Variants in MICU3 observed in about 807,000 individuals in gnomAD.
MICU3 encodes calcium uptake protein 3, mitochondrial.
MICU3 carries 62 observed loss-of-function variants against 66.5 expected under a neutral mutation model. That is an observed-to-expected ratio of 0.93 (90% confidence interval 0.76 to 1.15). The LOEUF is 1.15. MICU3 is among the 50% of genes most tolerant of loss of function. MICU3 has a pLI of 0.00. For missense variants in MICU3, 779 were observed against 664.4 expected, an observed-to-expected ratio of 1.17 and a Z score of -1.90; for synonymous variants, 308 against 240.7, an observed-to-expected ratio of 1.28 and a Z score of -2.59.
chr8:17,085,152 G>C, intron 5 of MICU3, 84 bp from the exon 6 acceptor site: 1 of 835,274 alleles, frequency 1.2e-6, no homozygotes, highest in Non-Finnish European at 2.0e-6. Flanking sequence ...TACAGAATAT[G>C]AGTAACTTTA....
chr8:17,052,667 G>C (rs1291695680), intron 1 of MICU3, among the ~76,000 whole-genome samples: 1 of 152,152 alleles, frequency 6.6e-6, no homozygotes, highest in Non-Finnish European at 1.5e-5. Context: ...TTTCCACACA[G>C]ACGCATTTAC....
intron 4 of MICU3, among the ~76,000 whole-genome samples, chr8:17,080,185 A>G (rs572888510): frequency 6.6e-6 from 1 of 152,198 alleles, no homozygotes; most frequent in East Asian, 1.9e-4. Flanking sequence ...TATACCGTTC[A>G]TCTTCAGTAG....
intron 1 of MICU3, among the ~76,000 whole-genome samples, chr8:17,032,382 A>G (rs993845292): frequency 6.6e-6 from 1 of 151,646 alleles, no homozygotes; most frequent in African/African-American, 2.4e-5. Flanking sequence ...TTTTTTTTTC[A>G]TGCCCAGAAT....
chr8:17,047,480 A>T (rs879614407), intron 1 of MICU3, among the ~76,000 whole-genome samples: 1 of 152,224 alleles, frequency 6.6e-6, no homozygotes, highest in Non-Finnish European at 1.5e-5. Context: ...CCCAGGAAGG[A>T]ACAAAGACAT....
intron 9 of MICU3, among the ~76,000 whole-genome samples, chr8:17,099,742 A>G (rs1801093961): frequency 6.6e-6 from 1 of 151,752 alleles, no homozygotes. Flanking sequence ...CAGTGCTTAA[A>G]AATAAGAGCA....
intron 4 of MICU3, among the ~76,000 whole-genome samples, chr8:17,080,967 G>T (rs1821093489): frequency 6.6e-6 from 1 of 152,130 alleles, no homozygotes; most frequent in Non-Finnish European, 1.5e-5. Context: ...TGGAAGGTCA[G>T]TTGAAGCACT....
At chr8:17,114,890 C>A (rs182078756) in intron 12 of MICU3, among the ~76,000 whole-genome samples, 520 of 152,062 alleles carry the variant, frequency 3.4e-3, no homozygotes, top group African/African-American at 0.012. Flanking sequence ...GAGGCTGAGG[C>A]GGGCGGATCA....
At chr8:17,055,906 C>A (rs183655017) in intron 1 of MICU3, among the ~76,000 whole-genome samples, 1 of 152,134 alleles carries the variant, frequency 6.6e-6, no homozygotes, top group Admixed American at 6.5e-5. Flanking sequence ...GGGAGATGAT[C>A]GTTTTTGGAT....
At chr8:17,074,214 T>C (rs850412) in intron 3 of MICU3, among the ~76,000 whole-genome samples, 2,740 of 152,190 alleles carry the variant, frequency 0.018, 24 homozygotes, top group Middle Eastern at 0.027. Flanking sequence ...AGAGGCTGTT[T>C]GGTAATGATG....
At chr8:17,102,836 G>A (rs1031579373) in intron 9 of MICU3, 1 of 151,844 alleles carries the variant, frequency 6.6e-6, no homozygotes, top group African/African-American at 2.4e-5. Flanking sequence ...CAACTTCTCA[G>A]GTATTCCAGC....
intron 1 of MICU3, among the ~76,000 whole-genome samples, chr8:17,034,724 G>T (rs1003502666): frequency 6.6e-6 from 1 of 152,228 alleles, no homozygotes; most frequent in Non-Finnish European, 1.5e-5. Context: ...GGAGCCTAAA[G>T]ATATGACTGA....
chr8:17,111,249 A>G (rs1181072436), intron 11 of MICU3, among the ~76,000 whole-genome samples: 1 of 152,134 alleles, frequency 6.6e-6, no homozygotes, highest in African/African-American at 2.4e-5. Context: ...CTAGAGCCTT[A>G]TCAGATATAT....
Position 17,055,279 on chromosome 8 carries a change from T to C in MICU3, c.382-8805T>C, listed in dbSNP as rs148319758. Among the ~76,000 whole-genome samples, 2 of 152,268 alleles carry C rather than the reference T, an allele frequency of 1.3e-5. 1 individual carries two copies. Among genetic ancestry groups the C allele is most frequent in the Non-Finnish European group, 2.9e-5 (2 of 68,028 alleles). On this transcript the variant is annotated intron_variant, in intron 1 of 14. Coordinates refer to ENST00000318063, the MANE Select transcript of MICU3 (RefSeq NM_181723.3). Reference sequence around the variant, plus strand: ...TTTCCTGAAACAATGATGAAGGTGATTTAGAAGTGTTACCTCCCATGAGGC... The same window carrying C: ...TTTCCTGAAACAATGATGAAGGTGACTTAGAAGTGTTACCTCCCATGAGGC...
chr8:17,049,687 C>G (rs1815728179), intron 1 of MICU3: 3 of 509,420 alleles, frequency 5.9e-6, no homozygotes, highest in Non-Finnish European at 1.2e-5. Flanking sequence ...TGAAAAAACA[C>G]TGGGTTGTGT....
At chr8:17,098,690 TA>T (rs1800987452) in intron 9 of MICU3, 137 bp downstream of exon 9, 2 of 612,204 alleles carry the variant, frequency 3.3e-6, no homozygotes, top group East Asian at 5.4e-5. Context: ...AAAATTACTA[TA>T]TATAAACTGT....
chr8:17,095,779 T>C (rs538863329), intron 8 of MICU3, among the ~76,000 whole-genome samples: 1 of 152,018 alleles, frequency 6.6e-6, no homozygotes, highest in East Asian at 1.9e-4. Flanking sequence ...CCTTCCTTTT[T>C]TGTCTCCTTC....
the MICU3 span, among the ~76,000 whole-genome samples, chr8:17,127,940 AC>A: frequency 6.6e-6 from 1 of 152,188 alleles, no homozygotes; most frequent in Non-Finnish European, 1.5e-5. Flanking sequence ...AGGAGTGGAA[AC>A]TATCAGTTTA....
chr8:17,039,892 A>ATTT (rs1475568030), intron 1 of MICU3, among the ~76,000 whole-genome samples: 3 of 54,270 alleles, frequency 5.5e-5, no homozygotes, highest in South Asian at 7.0e-4. Context: ...ATCATCTTGC[A>ATTT]TTCTTTTTTT....
intron 11 of MICU3, among the ~76,000 whole-genome samples, chr8:17,108,780 G>C (rs539690618): frequency 1.2e-4 from 18 of 152,104 alleles, no homozygotes; most frequent in African/African-American, 4.1e-4. Flanking sequence ...CTGTGATTTC[G>C]ATCATACCAC....
Sources: gnomAD v4.1 joint callset for allele counts (sites outside exome capture counted in the v4.1 genomes callset) on GRCh38, gnomAD v4.1.1 for gene constraint, MANE v1.5 for transcripts, NCBI Gene and HGNC (gene_info 2026-07-23, HGNC 2026-07-21) for gene names.